CDH5: variants seen among roughly 807,000 people sequenced by gnomAD.
CDH5 encodes cadherin-5.
Under a neutral mutation model 62.0 loss-of-function variants are expected in CDH5, and 28 were observed. The observed-to-expected ratio is 0.45, with a 90% CI of 0.33 to 0.62. CDH5 has a LOEUF of 0.62. CDH5 is among the 20% of genes least tolerant of loss of function. The pLI, the probability that CDH5 is intolerant of heterozygous loss-of-function variation, is 0.02. For synonymous variants in CDH5, 464 were observed against 445.8 expected (o/e 1.04, Z -0.52); for missense variants, 940 against 1,065.1 (o/e 0.88, Z 1.63).
intron 2 of CDH5, among the ~76,000 whole-genome samples, chr16:66,385,439 G>C (rs1237879441): frequency 1.3e-5 from 2 of 152,198 alleles, no homozygotes; most frequent in Non-Finnish European, 2.9e-5. Flanking sequence ...AAGCTCACTG[G>C]AGTTCTTTTC....
chr16:66,369,862 G>A (rs1402595204), intron 1 of CDH5, among the ~76,000 whole-genome samples: 1 of 151,992 alleles, frequency 6.6e-6, no homozygotes, highest in Non-Finnish European at 1.5e-5. Context: ...TTGAGTGATT[G>A]ATTCGTGATG....
At chr16:66,401,853 C>G (rs934172116) in intron 11 of CDH5, among the ~76,000 whole-genome samples, 1 of 152,184 alleles carries the variant, frequency 6.6e-6, no homozygotes, top group Non-Finnish European at 1.5e-5. Flanking sequence ...AGAGGAAGCC[C>G]TCAGGTGATT....
chr16:66,383,309 C>T (rs1302581775), intron 2 of CDH5, among the ~76,000 whole-genome samples: 2 of 152,232 alleles, frequency 1.3e-5, no homozygotes, highest in East Asian at 1.9e-4. Flanking sequence ...AACAAATGCA[C>T]CACATTCATG....
chr16:66,379,271 C>T, intron 1 of CDH5, 48 bp from the exon 2 acceptor site: 4 of 1,396,602 alleles, frequency 2.9e-6, no homozygotes, highest in Non-Finnish European at 4.0e-6. Context: ...CTAAGTACTC[C>T]TTTCATCGTC....
rs770987681 is a variant in CDH5 at position 66,386,879 on chromosome 16, G to A, written c.281G>A (p.Arg94Gln). 1.1e-5 allele frequency: 18 copies of A among 1,614,058 alleles called. No individual in the cohort carries two copies. The highest frequency in any genetic ancestry group is 1.6e-4 in the Middle Eastern group (1 of 6,084). Reference sequence around the variant, plus strand: ...GGAGAATATGTGGGCAAGGTCTTCCGGGTCGATGCAGAGACAGGAGACGTG... The same window carrying A: ...GGAGAATATGTGGGCAAGGTCTTCCAGGTCGATGCAGAGACAGGAGACGTG... ...LKGEYVGKVFRVDAETGDVFA... is the reference protein window; with the variant it reads ...LKGEYVGKVFQVDAETGDVFA... The change falls in exon 3 of 12, where the codon CGG (arginine) becomes CAG (glutamine). Residue 94 changes from arginine (R) to glutamine (Q), a missense_variant. Transcript: ENST00000341529.
At chr16:66,398,683 G>T in intron 10 of CDH5, 122 bp downstream of exon 10, 1 of 611,590 alleles carries the variant, frequency 1.6e-6, no homozygotes, top group South Asian at 1.7e-5. Context: ...AGTGAGCTAT[G>T]ATCACATCAC....
intron 10 of CDH5, among the ~76,000 whole-genome samples, chr16:66,399,523 C>T (rs1961245123): frequency 6.6e-6 from 1 of 152,174 alleles, no homozygotes; most frequent in African/African-American, 2.4e-5. Context: ...GAGGGATCAA[C>T]CACAGACCAG....
At chr16:66,372,997 G>A (rs761952817) in intron 1 of CDH5, among the ~76,000 whole-genome samples, 1 of 152,102 alleles carries the variant, frequency 6.6e-6, no homozygotes, top group African/African-American at 2.4e-5. Context: ...ACCTGGCCTC[G>A]GCGTGCTCAG....
chr16:66,369,195 T>C (rs1458421739), intron 1 of CDH5, among the ~76,000 whole-genome samples: 1 of 151,956 alleles, frequency 6.6e-6, no homozygotes, highest in Admixed American at 6.6e-5. Context: ...GAGGAGGAAG[T>C]GGGACCCAGG....
rs1212671188 is a variant in CDH5, at chr16:66,402,808, C to T, written c.1994C>T (p.Ser665Leu). 2 of 1,599,414 alleles carry T rather than the reference C, an allele frequency of 1.3e-6. No homozygotes were observed. Among genetic ancestry groups the T allele is most frequent in the Non-Finnish European group, 1.7e-6 (2 of 1,173,964 alleles). ...AGCTACGATGTGTCGGTGCTCAACT[C>T]GGTGCGCCGCGGCGGGGCCAAGCCC... ...TTSYDVSVLN[S>L]VRRGGAKPPR... Residue 665 changes from serine (S) to leucine (L), a missense_variant, in exon 12 of 12, where the codon TCG (serine) becomes TTG (leucine). Coordinates refer to ENST00000341529, the MANE Select transcript of CDH5 (RefSeq NM_001795.5).
intron 1 of CDH5, among the ~76,000 whole-genome samples, chr16:66,373,813 G>A (rs1313394566): frequency 6.6e-6 from 1 of 152,154 alleles, no homozygotes; most frequent in Non-Finnish European, 1.5e-5. Flanking sequence ...TCGATCTGAT[G>A]ACAACCATTC....
In CDH5 at chr16:66,403,278, C is replaced by T. The variant is rs1183618096; in HGVS notation, c.*109C>T. On this transcript the variant is annotated 3_prime_UTR_variant, in exon 12 of 12. Coordinates refer to ENST00000341529, the MANE Select transcript of CDH5 (RefSeq NM_001795.5). This position sits in a 1 kb window ranked among gnomAD's most constrained non-coding sequence, Gnocchi z 4.3. ...ATGGCAGTGACTCCCCAGCCCAGCA[C>T]CCCTTCCTCGTGGGTCCCAGAGACC... 3.0e-6 allele frequency: 3 copies of T among 1,002,528 alleles called. No homozygotes were observed. The African/African-American group carries it at 4.8e-5, about 16-fold the overall frequency. The allele number at this position is 1,002,528 out of a possible 1,614,324, so 62.1% of individuals were successfully genotyped here. A position where few individuals can be genotyped will look rare whatever the true frequency, so the allele number is the denominator to read the frequency against.
intron 7 of CDH5, 68 bp downstream of exon 7, chr16:66,392,451 C>CT (rs1356399684): frequency 7.6e-6 from 12 of 1,588,616 alleles, no homozygotes; most frequent in Admixed American, 1.7e-5. Flanking sequence ...GCCTGCTGGT[C>CT]TGAGGCCAGG....
intron 1 of CDH5, among the ~76,000 whole-genome samples, chr16:66,372,455 G>A (rs1960708833): frequency 1.3e-5 from 2 of 152,240 alleles, no homozygotes; most frequent in Non-Finnish European, 2.9e-5. Flanking sequence ...CAAACCTGGT[G>A]GGGTGGGGAG....
At position 66,388,362 on chromosome 16, in the gene CDH5, G is replaced by A. The variant is rs766844217; in HGVS notation, c.538G>A (p.Asp180Asn). ...VISVTAVDAD[D>N]PTVGDHASVM... Reference sequence around the variant, plus strand: ...CTCTGTGACAGCAGTGGATGCAGACGACCCCACTGTGGGAGACCACGCCTC... The same window carrying A: ...CTCTGTGACAGCAGTGGATGCAGACAACCCCACTGTGGGAGACCACGCCTC... The change falls in exon 4 of 12, where the codon GAC becomes AAC. Residue 180 changes from aspartate to asparagine, a missense_variant. Transcript: ENST00000341529. The A allele has an allele frequency of 6.2e-6, 10 of 1,613,858 alleles. No individual in the cohort carries two copies. The highest frequency in any genetic ancestry group is 2.2e-5 in the South Asian group (2 of 91,078).
chr16:66,368,760 C>CG (rs1456992941), intron 1 of CDH5, among the ~76,000 whole-genome samples: 9 of 152,156 alleles, frequency 5.9e-5, no homozygotes, highest in Non-Finnish European at 1.3e-4. Flanking sequence ...AGGGTGAGTG[C>CG]GGTTCCTTCT....
chr16:66,402,319 C>A (rs1177559063), intron 11 of CDH5, among the ~76,000 whole-genome samples: 1 of 150,546 alleles, frequency 6.6e-6, no homozygotes, highest in Non-Finnish European at 1.5e-5. Flanking sequence ...GAGATTCCCA[C>A]AGGCTGAGCA....
chr16:66,401,064 T>C, intron 11 of CDH5, 48 bp downstream of exon 11: 1 of 1,611,532 alleles, frequency 6.2e-7, no homozygotes, highest in Non-Finnish European at 8.5e-7. Context: ...TGGAAGGGGA[T>C]GGAAGGTGTT....
chr16:66,395,948 G>T, intron 7 of CDH5, 111 bp from the exon 8 acceptor site: 1 of 1,062,304 alleles, frequency 9.4e-7, no homozygotes, highest in South Asian at 1.5e-5. Context: ...TGAGAGAGGG[G>T]CATGGAGTGG....
Sources: allele counts gnomAD v4.1 joint callset (sites outside exome capture counted in the v4.1 genomes callset), GRCh38; gene constraint gnomAD v4.1.1; non-coding constraint Gnocchi (gnomAD v3.1); transcripts MANE v1.5; gene names NCBI Gene and HGNC (gene_info 2026-07-23, HGNC 2026-07-21).